The following KCNAB1 variants were observed in gnomAD, a reference collection of about 807,000 sequenced individuals.
KCNAB1 encodes potassium voltage-gated channel subfamily A regulatory beta subunit 1, also known as voltage-gated potassium channel subunit beta-1.
A neutral mutation model predicts 64.6 loss-of-function variants in KCNAB1; 35 were observed. The observed-to-expected ratio is 0.54, with a 90% CI of 0.41 to 0.72. KCNAB1 has a LOEUF of 0.72. KCNAB1 is among the 30% of genes least tolerant of loss of function. The pLI is 0.00. For synonymous variants in KCNAB1, 177 were observed against 183.8 expected, an observed-to-expected ratio of 0.96 and a Z score of 0.30; for missense variants, 401 against 512.9, an observed-to-expected ratio of 0.78 and a Z score of 2.11.
chr3:156,466,772 A>G (rs1306997877), intron 7 of KCNAB1, among the ~76,000 whole-genome samples: 1 of 152,108 alleles, frequency 6.6e-6, no homozygotes, highest in East Asian at 1.9e-4. Context: ...AAAACAGTCA[A>G]CAAGAACCAT....
At chr3:156,409,373 G>A in intron 1 of KCNAB1, among the ~76,000 whole-genome samples, 1 of 152,218 alleles carries the variant, frequency 6.6e-6, no homozygotes, top group Admixed American at 6.5e-5. Flanking sequence ...TAGTTGCCAT[G>A]CAGTGATTAA....
chr3:156,497,400 T>C (rs80036707), intron 8 of KCNAB1, among the ~76,000 whole-genome samples: 1 of 152,182 alleles, frequency 6.6e-6, no homozygotes, highest in Non-Finnish European at 1.5e-5. Flanking sequence ...AGGGTAAATA[T>C]TTTTTTACTC....
At chr3:156,416,147 G>C (rs1276212485) in intron 1 of KCNAB1, among the ~76,000 whole-genome samples, 1 of 152,112 alleles carries the variant, frequency 6.6e-6, no homozygotes, top group African/African-American at 2.4e-5. Context: ...TTTCAAGGTA[G>C]CACCATTTCT....
intron 1 of KCNAB1, among the ~76,000 whole-genome samples, chr3:156,279,419 A>G (rs948191126): frequency 2.0e-5 from 3 of 152,200 alleles, no homozygotes; most frequent in Non-Finnish European, 4.4e-5. Context: ...TAATGCCGCA[A>G]TAAACATACG....
intron 1 of KCNAB1, among the ~76,000 whole-genome samples, chr3:156,132,370 A>C (rs991953846): frequency 3.3e-5 from 5 of 152,234 alleles, no homozygotes; most frequent in African/African-American, 4.8e-5. Flanking sequence ...GAACACTGAT[A>C]AAGTAAGCAG....
chr3:156,468,226 A>G (rs1271362355), intron 7 of KCNAB1, among the ~76,000 whole-genome samples: 3 of 152,176 alleles, frequency 2.0e-5, no homozygotes, highest in Non-Finnish European at 4.4e-5. Flanking sequence ...TAGACTTGCA[A>G]TAGAAAAAAA....
chr3:156,503,372 A>T (rs1395928462), intron 8 of KCNAB1, among the ~76,000 whole-genome samples: 1 of 152,244 alleles, frequency 6.6e-6, no homozygotes, highest in Non-Finnish European at 1.5e-5. Context: ...TGCTTTGGGC[A>T]AGTCACTTCG....
At chr3:156,227,393 ACAAT>A (rs1716250411) in intron 1 of KCNAB1, among the ~76,000 whole-genome samples, 1 of 152,350 alleles carries the variant, frequency 6.6e-6, no homozygotes, top group African/African-American at 2.4e-5. Context: ...GTTTGAAATC[ACAAT>A]CAATGTTGCA....
At chr3:156,489,174 G>A (rs761854090) in intron 8 of KCNAB1, among the ~76,000 whole-genome samples, 1 of 151,998 alleles carries the variant, frequency 6.6e-6, no homozygotes, top group Non-Finnish European at 1.5e-5. Flanking sequence ...GCATGCGAAT[G>A]GTATTTCAAC....
At chr3:156,180,760 T>C (rs1712750447) in intron 1 of KCNAB1, among the ~76,000 whole-genome samples, 1 of 152,116 alleles carries the variant, frequency 6.6e-6, no homozygotes, top group Admixed American at 6.6e-5. Context: ...GGAGAGTAGA[T>C]AGGCAAATAA....
At chr3:156,141,306 A>G (rs1364415623) in intron 1 of KCNAB1, among the ~76,000 whole-genome samples, 1 of 152,186 alleles carries the variant, frequency 6.6e-6, no homozygotes, top group East Asian at 1.9e-4. Flanking sequence ...CAGTTTGGTT[A>G]CATGTATTGA....
intron 8 of KCNAB1, among the ~76,000 whole-genome samples, chr3:156,485,145 G>A (rs1412660173): frequency 6.6e-6 from 1 of 152,010 alleles, no homozygotes; most frequent in Non-Finnish European, 1.5e-5. Context: ...CAAAGTTTCA[G>A]CCAGACACCA....
intron 1 of KCNAB1, among the ~76,000 whole-genome samples, chr3:156,247,571 G>A (rs551500574): frequency 2.6e-5 from 4 of 151,904 alleles, no homozygotes; most frequent in African/African-American, 7.2e-5. Context: ...ATTTTTTTGC[G>A]GGGGAGAGGA....
chr3:156,534,610 C>T (rs1196022411), intron 13 of KCNAB1, among the ~76,000 whole-genome samples: 3 of 152,176 alleles, frequency 2.0e-5, no homozygotes, highest in Admixed American at 6.5e-5. Context: ...TAACAGTGGC[C>T]CTCTGCCTAC....
chr3:156,123,479 G>A (rs958162847), intron 1 of KCNAB1, among the ~76,000 whole-genome samples: 3 of 152,240 alleles, frequency 2.0e-5, no homozygotes, highest in African/African-American at 7.2e-5. Flanking sequence ...TTGGAAGAAA[G>A]CATTAGAGTT....
intron 1 of KCNAB1, among the ~76,000 whole-genome samples, chr3:156,300,723 T>G (rs1428876801): frequency 6.6e-6 from 1 of 152,180 alleles, no homozygotes; most frequent in African/African-American, 2.4e-5. Context: ...GGGATGACTA[T>G]GCTGACACAT....
intron 13 of KCNAB1, 111 bp from the exon 14 acceptor site, chr3:156,536,547 G>A (rs1719068641): frequency 1.3e-6 from 1 of 766,512 alleles, no homozygotes; most frequent in South Asian, 1.5e-5. Flanking sequence ...GATTTCAGCT[G>A]TGGTTTATGA....
intron 1 of KCNAB1, chr3:156,176,738 G>T: frequency 1.1e-6 from 1 of 929,278 alleles, no homozygotes; most frequent in Non-Finnish European, 1.8e-6. Flanking sequence ...GCATGATTGG[G>T]GCTTGAAGGG....
intron 1 of KCNAB1, among the ~76,000 whole-genome samples, chr3:156,293,205 C>G (rs2107971765): frequency 6.6e-6 from 1 of 152,296 alleles, no homozygotes; most frequent in East Asian, 1.9e-4. Flanking sequence ...TGTACCAAGT[C>G]CCTCTGACTT....
Sources: gnomAD v4.1 joint callset for allele counts (sites outside exome capture counted in the v4.1 genomes callset) on GRCh38, gnomAD v4.1.1 for gene constraint, MANE v1.5 for transcripts, NCBI Gene and HGNC (gene_info 2026-07-23, HGNC 2026-07-21) for gene names.